AXDND1: variants seen among roughly 807,000 people sequenced by gnomAD.
AXDND1 encodes axonemal dynein light chain domain containing 1, also known as axonemal dynein light chain domain-containing protein 1.
A neutral mutation model predicts 137.5 loss-of-function variants in AXDND1; 110 were observed. That is an observed-to-expected ratio of 0.80 (90% CI 0.69 to 0.94). The LOEUF (loss-of-function observed/expected upper bound fraction) is 0.94. Among genes scored for constraint, AXDND1 ranks in the 40% least tolerant of loss-of-function variants. The pLI is 0.00. For missense variants in AXDND1, 1,191 were observed against 1,169.8 expected (o/e 1.02, Z -0.26); for synonymous variants, 414 against 399.7 (o/e 1.04, Z -0.43).
At chr1:179,367,328 C>T (rs1667530496) in intron 2 of AXDND1, among the ~76,000 whole-genome samples, 1 of 151,490 alleles carries the variant, frequency 6.6e-6, no homozygotes, top group Non-Finnish European at 1.5e-5. Flanking sequence ...CCATTCTGGC[C>T]AACATGGAGA....
At chr1:179,502,090 T>G (rs1668055246) in intron 20 of AXDND1, among the ~76,000 whole-genome samples, 2 of 152,050 alleles carry the variant, frequency 1.3e-5, no homozygotes, top group Non-Finnish European at 2.9e-5. Flanking sequence ...AAAATGACCT[T>G]CTAGGAATCA....
intron 16 of AXDND1, chr1:179,452,359 A>G (rs1032586466): frequency 1.3e-5 from 2 of 152,342 alleles, no homozygotes; most frequent in African/African-American, 4.8e-5. Context: ...ACAGAGCATA[A>G]AAGTTTGTAA....
In AXDND1 at chr1:179,492,914, A is replaced by G; in HGVS notation, c.2351A>G (p.Asn784Ser). ...ALSKSTNSHK[N>S]ATEDLYEVDK... Reference sequence around the variant, plus strand: ...AGTAAATCCACTAACTCACACAAAAATGCTACTGAAGACCTTTATGAGGTG... The same window carrying G: ...AGTAAATCCACTAACTCACACAAAAGTGCTACTGAAGACCTTTATGAGGTG... Residue 784 changes from asparagine (N) to serine (S), a missense_variant, in exon 20 of 26, where the codon AAT becomes AGT. Asn to Ser is a conservative substitution (Grantham distance 46). Transcript: ENST00000367618. The G allele has an allele frequency of 6.2e-7, 1 of 1,611,776 alleles. No individual in the cohort carries two copies. The highest frequency in any genetic ancestry group is 1.1e-5 in the South Asian group (1 of 90,588).
chr1:179,418,641 G>A (rs1165089780), intron 12 of AXDND1, among the ~76,000 whole-genome samples: 6 of 149,684 alleles, frequency 4.0e-5, no homozygotes, highest in Admixed American at 1.3e-4. Context: ...CCTCCCTCCC[G>A]GACGGGGCGG....
intron 15 of AXDND1, among the ~76,000 whole-genome samples, chr1:179,433,552 T>A (rs1657698367): frequency 6.6e-6 from 1 of 152,218 alleles, no homozygotes. Context: ...CCAGACATTC[T>A]GGTGTGTTGT....
intron 4 of AXDND1, among the ~76,000 whole-genome samples, chr1:179,370,596 T>A (rs979603802): frequency 6.6e-6 from 1 of 152,248 alleles, no homozygotes; most frequent in East Asian, 1.9e-4. Flanking sequence ...TTTGTCTCAT[T>A]CCTACAAACA....
intron 14 of AXDND1, 117 bp downstream of exon 14, chr1:179,430,723 G>C (rs1657242886): frequency 1.7e-6 from 2 of 1,157,458 alleles, no homozygotes; most frequent in Admixed American, 4.7e-5. Context: ...TGATTTTGGG[G>C]AGCAGTCCCT....
At chr1:179,511,471 AT>A (rs1322810601) in intron 21 of AXDND1, among the ~76,000 whole-genome samples, 1 of 150,952 alleles carries the variant, frequency 6.6e-6, no homozygotes, top group Non-Finnish European at 1.5e-5. Flanking sequence ...ATTGATGGGC[AT>A]TTGGGTTGGT....
At position 179,421,367 on chromosome 1, in the gene AXDND1, CTTTTTTTTTTTTT is replaced by C. The variant is rs199703017; in HGVS notation, c.1231-8134_1231-8122del. Among the ~76,000 whole-genome samples, 876 of 107,220 alleles carry C rather than the reference CTTTTTTTTTTTTT, an allele frequency of 8.2e-3. 10 individuals are homozygous for C. Among genetic ancestry groups the C allele is most frequent in the African/African-American group, 0.032 (769 of 24,308 alleles). The allele number at this position is 107,220 out of a possible 152,430, so 70.3% of individuals were successfully genotyped here. ...CTTCCTTCCTTTTCTTTTTCTTTTC[CTTTTTTTTTTTTT>C]TTTTTTTTTTTTTTTTGAGACAGAG... On this transcript the variant is annotated intron_variant, in intron 12 of 25. Transcript: ENST00000367618.
At chr1:179,514,978 A>AG (rs2125655816) in intron 21 of AXDND1, among the ~76,000 whole-genome samples, 1 of 152,300 alleles carries the variant, frequency 6.6e-6, no homozygotes, top group African/African-American at 2.4e-5. Flanking sequence ...AGTATCCTGA[A>AG]GGGAGCAGAT....
chr1:179,512,615 C>A (rs1343856141), intron 21 of AXDND1, among the ~76,000 whole-genome samples: 1 of 151,798 alleles, frequency 6.6e-6, no homozygotes, highest in Non-Finnish European at 1.5e-5. Flanking sequence ...TAGTGGTGTT[C>A]TGATGGGGAT....
chr1:179,473,948 G>A (rs2125502527), intron 17 of AXDND1, among the ~76,000 whole-genome samples: 1 of 152,190 alleles, frequency 6.6e-6, no homozygotes, highest in East Asian at 1.9e-4. Context: ...TCTTGGCTGG[G>A]TGTGGTGGCT....
chr1:179,517,204 AGTCAT>A (rs1558293900), intron 21 of AXDND1, among the ~76,000 whole-genome samples: 3 of 152,098 alleles, frequency 2.0e-5, no homozygotes, highest in African/African-American at 7.2e-5. Context: ...GCCTCTGCTG[AGTCAT>A]GCAGGTTGTC....
At chr1:179,499,330 ATATAT>A (rs1327730344) in intron 20 of AXDND1, among the ~76,000 whole-genome samples, 1 of 146,736 alleles carries the variant, frequency 6.8e-6, no homozygotes, top group Non-Finnish European at 1.5e-5. Flanking sequence ...GAAGTCAGTA[ATATAT>A]TGTGATGTTT....
chr1:179,404,097 C>T (rs1051965943), intron 11 of AXDND1, among the ~76,000 whole-genome samples: 4 of 152,068 alleles, frequency 2.6e-5, no homozygotes, highest in East Asian at 1.9e-4. Flanking sequence ...TTTTATAATA[C>T]ATTTTATGGT....
chr1:179,473,725 A>G (rs1349649216), intron 17 of AXDND1, among the ~76,000 whole-genome samples: 2 of 151,978 alleles, frequency 1.3e-5, no homozygotes, highest in Non-Finnish European at 2.9e-5. Flanking sequence ...GAGAGCAGTT[A>G]CCCCCACGCT....
chr1:179,447,300 G>A (rs571676060), intron 16 of AXDND1, among the ~76,000 whole-genome samples: 19 of 152,276 alleles, frequency 1.2e-4, no homozygotes, highest in Admixed American at 1.2e-3. Flanking sequence ...ACACATGAGT[G>A]AGAACATGCA....
chr1:179,450,675 C>T (rs1033689086), intron 16 of AXDND1: 1 of 152,136 alleles, frequency 6.6e-6, no homozygotes, highest in African/African-American at 2.4e-5. Context: ...AGGATCAATC[C>T]TACTTCGGGC....
chr1:179,436,710 G>A (rs1379031452), intron 15 of AXDND1, among the ~76,000 whole-genome samples: 1 of 152,092 alleles, frequency 6.6e-6, no homozygotes, highest in Non-Finnish European at 1.5e-5. Flanking sequence ...GGGGCAAGGG[G>A]AAGGAGGGCA....
Sources: allele counts gnomAD v4.1 joint callset (sites outside exome capture counted in the v4.1 genomes callset), GRCh38; gene constraint gnomAD v4.1.1; transcripts MANE v1.5; gene names NCBI Gene and HGNC (gene_info 2026-07-23, HGNC 2026-07-21).